Variants in GAB2 observed in about 807,000 individuals in gnomAD.
GAB2 encodes the protein GRB2-associated-binding protein 2.
Under a neutral mutation model 65.5 loss-of-function variants are expected in GAB2, and 26 were observed. The ratio of observed to expected loss-of-function variants is 0.40; its 90% CI spans 0.29 to 0.55. The LOEUF is 0.55. Ranked by LOEUF, GAB2 falls within the 20% of genes least tolerant of loss-of-function variation. The probability of loss-of-function intolerance (pLI) is 0.53; values close to 1 mark genes in which losing one functional copy is unlikely to be tolerated. For synonymous variants in GAB2, 321 were observed against 329.6 expected, an observed-to-expected ratio of 0.97 and a Z score of 0.28; for missense variants, 884 against 875.8, an observed-to-expected ratio of 1.01 and a Z score of -0.12.
intron 1 of GAB2, among the ~76,000 whole-genome samples, chr11:78,350,249 T>C (rs1231318131): frequency 3.3e-5 from 5 of 152,150 alleles, no homozygotes; most frequent in Non-Finnish European, 7.4e-5. Context: ...CCTGGGAAAC[T>C]AGGCTCTAGC....
intron 1 of GAB2, among the ~76,000 whole-genome samples, chr11:78,386,610 A>G (rs1856771194): frequency 6.6e-6 from 1 of 152,134 alleles, no homozygotes; most frequent in Admixed American, 6.6e-5. Context: ...ACAACCCTAT[A>G]TGCCTGAATA....
intron 1 of GAB2, among the ~76,000 whole-genome samples, chr11:78,406,130 C>A (rs534568453): frequency 1.3e-5 from 2 of 152,302 alleles, no homozygotes; most frequent in African/African-American, 2.4e-5. Context: ...AGGCACCCAT[C>A]CCTGTAGAGT....
intron 2 of GAB2, among the ~76,000 whole-genome samples, chr11:78,259,064 C>T (rs1865669264): frequency 6.6e-6 from 1 of 152,046 alleles, no homozygotes; most frequent in African/African-American, 2.4e-5. Flanking sequence ...CTGTTGTTCC[C>T]TGATTTGTGT....
intron 1 of GAB2, among the ~76,000 whole-genome samples, chr11:78,395,838 T>C (rs1257185076): frequency 6.6e-6 from 1 of 152,226 alleles, no homozygotes; most frequent in Non-Finnish European, 1.5e-5. Context: ...GAGGTTTAGT[T>C]TGGATTCCAA....
chr11:78,297,542 C>T (rs1866868212), intron 1 of GAB2, among the ~76,000 whole-genome samples: 1 of 151,838 alleles, frequency 6.6e-6, no homozygotes, highest in African/African-American at 2.4e-5. Flanking sequence ...TGTCGTGCAC[C>T]CAGGGGAGTA....
chr11:78,387,414 C>T (rs1271033149), intron 1 of GAB2, among the ~76,000 whole-genome samples: 4 of 152,186 alleles, frequency 2.6e-5, no homozygotes, highest in African/African-American at 9.7e-5. Flanking sequence ...ACAAGCTAAA[C>T]TGACCATCAC....
chr11:78,247,617 T>G (rs986615263), intron 3 of GAB2, among the ~76,000 whole-genome samples: 1 of 152,222 alleles, frequency 6.6e-6, no homozygotes, highest in African/African-American at 2.4e-5. Flanking sequence ...GGAAAAGCCA[T>G]GTAAACTGAA....
At chr11:78,341,991 C>T (rs1856104508) in intron 1 of GAB2, 1 of 474,730 alleles carries the variant, frequency 2.1e-6, no homozygotes, top group African/African-American at 2.1e-5. Flanking sequence ...TGTTCCCCTC[C>T]CTATGGACAA....
chr11:78,264,681 T>C (rs1304037582), intron 2 of GAB2, among the ~76,000 whole-genome samples: 1 of 152,194 alleles, frequency 6.6e-6, no homozygotes, highest in Non-Finnish European at 1.5e-5. Context: ...GTGTTGGGAT[T>C]ACAGGCGTGA....
At chr11:78,282,676 TACC>T (rs1278028626) in intron 1 of GAB2, among the ~76,000 whole-genome samples, 6 of 152,184 alleles carry the variant, frequency 3.9e-5, no homozygotes, top group African/African-American at 1.4e-4. Flanking sequence ...TGAAAATCAC[TACC>T]ACCACCACCA....
At chr11:78,316,096 T>G (rs910766713) in intron 1 of GAB2, among the ~76,000 whole-genome samples, 30 of 152,222 alleles carry the variant, frequency 2.0e-4, no homozygotes, top group African/African-American at 7.2e-4. Context: ...GACATCAGAC[T>G]TCAGGTTCTT....
intron 1 of GAB2, among the ~76,000 whole-genome samples, chr11:78,333,924 T>G (rs1286204828): frequency 1.3e-5 from 2 of 152,182 alleles, no homozygotes; most frequent in East Asian, 3.9e-4. Context: ...TCTTACTCTA[T>G]ATATTGCTTG....
intron 1 of GAB2, among the ~76,000 whole-genome samples, chr11:78,376,839 C>T (rs1469088632): frequency 2.6e-5 from 4 of 152,090 alleles, no homozygotes; most frequent in African/African-American, 7.2e-5. Flanking sequence ...TATTTGTCCC[C>T]GCCCAAATCT....
At chr11:78,230,809 TA>T (rs1223521011) in intron 3 of GAB2, among the ~76,000 whole-genome samples, 1 of 152,256 alleles carries the variant, frequency 6.6e-6, no homozygotes, top group Non-Finnish European at 1.5e-5. Context: ...CAAACCATGC[TA>T]AAATGTGGTC....
intron 3 of GAB2, among the ~76,000 whole-genome samples, chr11:78,240,864 G>T (rs1865114774): frequency 6.6e-6 from 1 of 152,282 alleles, no homozygotes; most frequent in South Asian, 2.1e-4. Flanking sequence ...GGCCCGGAGG[G>T]CAGTCCACAT....
In GAB2 at chr11:78,280,729, C is replaced by G; in HGVS notation, c.248G>C (p.Ser83Thr). The change falls in exon 2 of 10, where the codon AGT becomes ACT. Residue 83 changes from serine to threonine, a missense_variant. Physicochemically the swap from Ser to Thr is moderately conservative, Grantham distance 58. Coordinates refer to ENST00000361507, the MANE Select transcript of GAB2 (RefSeq NM_080491.3). ...ACTGGTCTTGATGTCAAACACAAAA[C>G]TATCCTGCAGCTCCTTCTTGTTAAA... Reference protein sequence around the residue: ...LTFNKKELQDSFVFDIKTSER... With the variant: ...LTFNKKELQDTFVFDIKTSER... The G allele has an allele frequency of 6.2e-7, 1 of 1,614,190 alleles. No individual in the cohort carries two copies. Among genetic ancestry groups the G allele is most frequent in the South Asian group, 1.1e-5 (1 of 91,086 alleles).
intron 1 of GAB2, among the ~76,000 whole-genome samples, chr11:78,357,255 C>T (rs1297430540): frequency 4.6e-5 from 7 of 152,150 alleles, no homozygotes; most frequent in Non-Finnish European, 2.9e-5. Flanking sequence ...ATTTATGTAA[C>T]AAACACTAGT....
chr11:78,246,378 T>A (rs1433415854), intron 3 of GAB2, among the ~76,000 whole-genome samples: 1 of 152,212 alleles, frequency 6.6e-6, no homozygotes, highest in Non-Finnish European at 1.5e-5. Flanking sequence ...CCATTGAGAA[T>A]GGGTTATATT....
chr11:78,369,309 A>G (rs1445730445), intron 1 of GAB2, among the ~76,000 whole-genome samples: 1 of 152,214 alleles, frequency 6.6e-6, no homozygotes, highest in African/African-American at 2.4e-5. Context: ...GGGTTAGTTT[A>G]CAGTGTATAT....
Sources: gnomAD v4.1 joint callset for allele counts (sites outside exome capture counted in the v4.1 genomes callset) on GRCh38, gnomAD v4.1.1 for gene constraint, MANE v1.5 for transcripts, NCBI Gene and HGNC (gene_info 2026-07-23, HGNC 2026-07-21) for gene names.